The following WDPCP variants were observed in gnomAD, a reference collection of about 807,000 sequenced individuals.
The protein encoded by WDPCP is WD repeat containing planar cell polarity effector.
Under a neutral mutation model 93.1 loss-of-function variants are expected in WDPCP, and 71 were observed. The observed-to-expected ratio is 0.76, with a 90% CI of 0.63 to 0.93. WDPCP has a LOEUF of 0.93. WDPCP is among the 40% of genes least tolerant of loss of function. WDPCP has a pLI of 0.00. For missense variants in WDPCP, 844 were observed against 887.4 expected, an observed-to-expected ratio of 0.95 and a Z score of 0.62; for synonymous variants, 315 against 315.0, an observed-to-expected ratio of 1.00 and a Z score of 0.00.
At chr2:63,529,894 T>G (rs1703690314) in intron 1 of WDPCP, among the ~76,000 whole-genome samples, 1 of 152,244 alleles carries the variant, frequency 6.6e-6, no homozygotes, top group African/African-American at 2.4e-5. Flanking sequence ...ATTGGTCTAT[T>G]CAGGGATTCA....
At chr2:63,522,960 GGCCAGCATCATCCT>G in intron 1 of WDPCP, among the ~76,000 whole-genome samples, 1 of 152,240 alleles carries the variant, frequency 6.6e-6, no homozygotes, top group Middle Eastern at 3.4e-3. Flanking sequence ...CATTCTATGA[GGCCAGCATCATCCT>G]GATACCAACG....
chr2:63,798,281 T>G (rs755801821), intron 2 of WDPCP, among the ~76,000 whole-genome samples: 2 of 152,192 alleles, frequency 1.3e-5, no homozygotes, highest in Non-Finnish European at 2.9e-5. Flanking sequence ...CAGACTATTA[T>G]AACACTGTAA....
chr2:63,521,361 A>G (rs1300922056), intron 1 of WDPCP, among the ~76,000 whole-genome samples: 1 of 152,232 alleles, frequency 6.6e-6, no homozygotes, highest in Admixed American at 6.5e-5. Context: ...GGATGGAGAA[A>G]AATCTACCAA....
intron 2 of WDPCP, among the ~76,000 whole-genome samples, chr2:63,682,177 A>T (rs1668719810): frequency 6.6e-6 from 1 of 152,242 alleles, no homozygotes; most frequent in East Asian, 1.9e-4. Flanking sequence ...TGACCTCACC[A>T]AATGAACAAA....
At chr2:63,480,898 A>G (rs1389912772) in intron 6 of WDPCP, among the ~76,000 whole-genome samples, 2 of 152,184 alleles carry the variant, frequency 1.3e-5, no homozygotes, top group Non-Finnish European at 2.9e-5. Flanking sequence ...GACCTAATTA[A>G]ACTAAAGAGC....
chr2:63,540,968 C>T (rs1254010965), intron 1 of WDPCP, among the ~76,000 whole-genome samples: 1 of 150,246 alleles, frequency 6.7e-6, no homozygotes, highest in Non-Finnish European at 1.5e-5. Context: ...GTTGCCCAGG[C>T]TGGTGGTTTT....
chr2:63,513,858 T>G (rs567484214), intron 1 of WDPCP, among the ~76,000 whole-genome samples: 32 of 152,316 alleles, frequency 2.1e-4, no homozygotes, highest in African/African-American at 7.5e-4. Context: ...TTTCCCTGGA[T>G]CCTTAGGTCT....
At chr2:63,466,039 G>T (rs1699327942) in intron 6 of WDPCP, among the ~76,000 whole-genome samples, 1 of 152,012 alleles carries the variant, frequency 6.6e-6, no homozygotes, top group Non-Finnish European at 1.5e-5. Context: ...TGGAAGACTT[G>T]GCTCAGATAA....
chr2:63,216,112 C>G (rs1159343084), intron 14 of WDPCP, among the ~76,000 whole-genome samples: 1 of 152,176 alleles, frequency 6.6e-6, no homozygotes, highest in Non-Finnish European at 1.5e-5. Context: ...GTTGGTGGGA[C>G]TGTAAACTAG....
At chr2:63,130,861 A>G (rs1670244572) in intron 17 of WDPCP, among the ~76,000 whole-genome samples, 1 of 152,102 alleles carries the variant, frequency 6.6e-6, no homozygotes, top group South Asian at 2.1e-4. Context: ...TGTTTGCTTC[A>G]TATATTTAAG....
At chr2:63,817,906 C>T (rs1246271601) in intron 1 of WDPCP, among the ~76,000 whole-genome samples, 2 of 152,180 alleles carry the variant, frequency 1.3e-5, no homozygotes, top group South Asian at 2.1e-4. Flanking sequence ...CCGTAGGGCA[C>T]TTAGGTGAGA....
chr2:63,436,589 A>G (rs1214483610), intron 8 of WDPCP, among the ~76,000 whole-genome samples: 1 of 152,106 alleles, frequency 6.6e-6, no homozygotes, highest in Non-Finnish European at 1.5e-5. Context: ...TAGGTATGGC[A>G]TAAGTGTGCA....
At chr2:63,321,903 A>G (rs7559261) in intron 12 of WDPCP, among the ~76,000 whole-genome samples, 2,520 of 152,180 alleles carry the variant, frequency 0.017, 68 homozygotes, top group African/African-American at 0.057. Context: ...TTCTTTTTAC[A>G]TATCACTTTA....
chr2:63,158,621 T>C (rs148413366), intron 15 of WDPCP, among the ~76,000 whole-genome samples: 22 of 152,278 alleles, frequency 1.4e-4, no homozygotes, highest in Non-Finnish European at 2.8e-4. Context: ...TTTGTATATA[T>C]ATATTTTTCA....
rs914531571 is a variant in WDPCP at position 63,684,577 on chromosome 2, G to C, written n.309-33739C>G. On this transcript the variant is annotated intron_variant and non_coding_transcript_variant, in intron 2 of 4. Transcript: ENST00000467687. The stretch of plus-strand genomic sequence containing the variant: ...CAAGGTACTCTGTGGATATCCCCTT[G>C]AACAAAACTGTCATCAGTAAGGATG... The C allele has an allele frequency of 2.2e-5, 16 of 715,644 alleles. No homozygotes were observed. In the African/African-American group the frequency reaches 2.6e-4, roughly 12 times the overall value. 44.3% of individuals were successfully genotyped at this position (715,644 alleles called of 1,614,324 possible).
chr2:63,693,963 T>C (rs1290631016), intron 2 of WDPCP, among the ~76,000 whole-genome samples: 1 of 152,210 alleles, frequency 6.6e-6, no homozygotes, highest in African/African-American at 2.4e-5. Flanking sequence ...TAATACCATT[T>C]CTTGAAAATT....
At chr2:63,737,605 T>C (rs1209924321) in intron 2 of WDPCP, among the ~76,000 whole-genome samples, 1 of 152,168 alleles carries the variant, frequency 6.6e-6, no homozygotes, top group African/African-American at 2.4e-5. Flanking sequence ...ATGAGTTCTT[T>C]CCTGGAGGCT....
At chr2:63,613,831 T>C (rs1709644671) in intron 3 of WDPCP, among the ~76,000 whole-genome samples, 1 of 152,194 alleles carries the variant, frequency 6.6e-6, no homozygotes, top group South Asian at 2.1e-4. Flanking sequence ...TCTCTGGTAT[T>C]TCCCTTGTCT....
At position 63,382,110 on chromosome 2, in the gene WDPCP, G is replaced by A. The variant is rs1182921557; in HGVS notation, c.1436-16C>T. 2 of 1,609,468 alleles carry A rather than the reference G, an allele frequency of 1.2e-6. No homozygotes were observed. The highest frequency in any genetic ancestry group is 1.7e-6 in the Non-Finnish European group (2 of 1,177,888). The stretch of plus-strand genomic sequence containing the variant: ...GTGAAGACGCCTATCACAAAACATG[G>A]AAAACCAGGTGAATCTTTTAAAATA... On this transcript the variant is annotated splice_polypyrimidine_tract_variant and intron_variant, in intron 10 of 17. Transcript: ENST00000272321.
Sources: allele counts gnomAD v4.1 joint callset (sites outside exome capture counted in the v4.1 genomes callset), GRCh38; gene constraint gnomAD v4.1.1; transcripts MANE v1.5; gene names NCBI Gene and HGNC (gene_info 2026-07-23, HGNC 2026-07-21).